The following CLIP2 variants were observed in gnomAD, a reference collection of about 807,000 sequenced individuals.
CLIP2 encodes CAP-Gly domain-containing linker protein 2.
A neutral mutation model predicts 111.7 loss-of-function variants in CLIP2; 41 were observed. The ratio of observed to expected loss-of-function variants is 0.37; its 90% CI spans 0.29 to 0.48. CLIP2 has a LOEUF of 0.48. CLIP2 is among the 20% of genes least tolerant of loss of function. The pLI is 0.99. For missense variants in CLIP2, 1,160 were observed against 1,422.1 expected (o/e 0.82, Z 2.96); for synonymous variants, 660 against 644.2 (o/e 1.02, Z -0.37).
In CLIP2 at chr7:74,376,328, CAGA is replaced by C. The variant is rs782725984; in HGVS notation, c.1930_1932del (p.Lys644del). 11 of 1,613,784 alleles carry C rather than the reference CAGA, an allele frequency of 6.8e-6. No homozygotes were observed. Among genetic ancestry groups the C allele is most frequent in the African/African-American group, 1.3e-5 (1 of 74,904 alleles). ...CCTGAACTCGGGCCCAGGCGCCCAG[CAGA>C]AGGAGATCGGCGAGCTGAAGGCAGT... On this transcript the variant is annotated inframe_deletion, in exon 10 of 17. Transcript: ENST00000223398. The surrounding 1 kb of genome is among the most constrained non-coding windows in gnomAD (Gnocchi z 7.1).
chr7:74,392,202 T>C (rs1265601101), intron 13 of CLIP2, among the ~76,000 whole-genome samples: 1 of 151,576 alleles, frequency 6.6e-6, no homozygotes, highest in East Asian at 2.0e-4. Context: ...ATACAAAAAA[T>C]TAGCCAGGCT....
At chr7:74,331,764 G>A (rs1183608148) in intron 2 of CLIP2, among the ~76,000 whole-genome samples, 3 of 151,176 alleles carry the variant, frequency 2.0e-5, no homozygotes, top group African/African-American at 7.3e-5. Context: ...AAGTAGAGAC[G>A]GGGTTTCACC....
At chr7:74,314,877 CT>C (rs1277574638) in intron 1 of CLIP2, among the ~76,000 whole-genome samples, 1 of 152,242 alleles carries the variant, frequency 6.6e-6, no homozygotes, top group Non-Finnish European at 1.5e-5. Flanking sequence ...TTGCTGCCCC[CT>C]GACCCCCTAA....
intron 13 of CLIP2, among the ~76,000 whole-genome samples, chr7:74,393,905 T>C (rs957999795): frequency 5.3e-5 from 8 of 152,172 alleles, no homozygotes; most frequent in African/African-American, 1.9e-4. Flanking sequence ...GCCAGGACCC[T>C]GGCCAGGGTT....
In CLIP2 at chr7:74,376,227, T is replaced by C; in HGVS notation, c.1826T>C (p.Leu609Pro). ...CAGGCCACCAGCGAGAACATGGGGCTAATGGACAACTGGAAATCCAAGCTG... is the reference window on the plus strand; with the variant it reads ...CAGGCCACCAGCGAGAACATGGGGCCAATGGACAACTGGAAATCCAAGCTG... ...VQQATSENMG[L>P]MDNWKSKLDS... Residue 609 changes from leucine to proline, a missense_variant, in exon 10 of 17, where the codon CTA becomes CCA. Leu to Pro is a moderately conservative substitution (Grantham distance 98, BLOSUM62 -3). Coordinates refer to ENST00000223398, the MANE Select transcript of CLIP2 (RefSeq NM_003388.5). The surrounding 1 kb of genome is among the most constrained non-coding windows in gnomAD (Gnocchi z 7.1). 1 of 1,612,690 alleles carries C rather than the reference T, an allele frequency of 6.2e-7. No individual in the cohort carries two copies. The highest frequency in any genetic ancestry group is 8.5e-7 in the Non-Finnish European group (1 of 1,179,454).
chr7:74,334,223 A>G (rs10225771), intron 2 of CLIP2, among the ~76,000 whole-genome samples: 10,495 of 152,240 alleles, frequency 0.069, 770 homozygotes, highest in East Asian at 0.34. Flanking sequence ...CTCAGCGTGC[A>G]TGGAATTTGA....
intron 16 of CLIP2, 37 bp from the exon 17 acceptor site, chr7:74,403,800 T>C: frequency 6.2e-7 from 1 of 1,609,148 alleles, no homozygotes; most frequent in South Asian, 1.1e-5. Flanking sequence ...CCAGGCTCTC[T>C]GAGACCCTTG....
intron 2 of CLIP2, among the ~76,000 whole-genome samples, chr7:74,336,871 T>TG (rs1789483373): frequency 4.7e-5 from 1 of 21,166 alleles, no homozygotes; most frequent in African/African-American, 8.2e-5. Flanking sequence ...TTTTTTTTTT[T>TG]TTTGTTTTTT....
intron 5 of CLIP2, among the ~76,000 whole-genome samples, chr7:74,356,852 A>G (rs1020889939): frequency 1.3e-5 from 2 of 152,202 alleles, no homozygotes; most frequent in African/African-American, 4.8e-5. Context: ...TCTGGAAGTT[A>G]AGGAGGGTTA....
chr7:74,311,181 G>A (rs900306291), intron 1 of CLIP2, among the ~76,000 whole-genome samples: 1 of 152,000 alleles, frequency 6.6e-6, no homozygotes, highest in African/African-American at 2.4e-5. Context: ...GGGTTTCACT[G>A]TGTTAGCCAG....
At chr7:74,297,516 G>T (rs2116447789) in intron 1 of CLIP2, among the ~76,000 whole-genome samples, 1 of 152,088 alleles carries the variant, frequency 6.6e-6, no homozygotes, top group African/African-American at 2.4e-5. Flanking sequence ...AACAAAAGCA[G>T]GGCCCCCCCT....
Position 74,404,070 on chromosome 7 carries a change from G to A in CLIP2, c.*222G>A, listed in dbSNP as rs1029833945. ...TTCTACAGAGAGTGTGAACGGTACAGCCCCGGCCTGACCCGGGGACCTTCA... is the reference window on the plus strand; with the variant it reads ...TTCTACAGAGAGTGTGAACGGTACAACCCCGGCCTGACCCGGGGACCTTCA... On this transcript the variant is annotated 3_prime_UTR_variant, in exon 17 of 17. Coordinates refer to ENST00000223398, the MANE Select transcript of CLIP2 (RefSeq NM_003388.5). 1.4e-5 allele frequency: 8 copies of A among 571,706 alleles called. No individual in the cohort carries two copies. Among genetic ancestry groups the A allele is most frequent in the Non-Finnish European group, 2.5e-5 (8 of 316,174 alleles). The allele number at this position is 571,706 out of a possible 1,614,324, so 35.4% of individuals were successfully genotyped here.
intron 1 of CLIP2, among the ~76,000 whole-genome samples, chr7:74,292,522 G>A (rs553884228): frequency 7.8e-4 from 119 of 152,112 alleles, no homozygotes; most frequent in African/African-American, 2.8e-3. Context: ...GAATAGCTGG[G>A]ACTACAGGCC....
Position 74,376,342 on chromosome 7 carries a change from C to T in CLIP2, c.1941C>T (p.Gly647=), listed in dbSNP as rs200002951. The T allele has an allele frequency of 8.7e-6, 14 of 1,613,870 alleles. No homozygotes were observed. Among genetic ancestry groups the T allele is most frequent in the Admixed American group, 3.3e-5 (2 of 59,978 alleles). ...SGPGAQQKEI[G]ELKAVMEGIK... is the part of the protein sequence containing the mutation. ...CAGGCGCCCAGCAGAAGGAGATCGG[C>T]GAGCTGAAGGCAGTGATGGAGGGCA... Residue 647 remains glycine, a synonymous_variant, in exon 10 of 17, where the codon GGC becomes GGT. Transcript: ENST00000223398. This position sits in a 1 kb window ranked among gnomAD's most constrained non-coding sequence, Gnocchi z 7.1.
chr7:74,308,496 GTTTA>G (rs1331789835), intron 1 of CLIP2, among the ~76,000 whole-genome samples: 3 of 151,976 alleles, frequency 2.0e-5, no homozygotes, highest in South Asian at 2.1e-4. Flanking sequence ...AATCTAGTTT[GTTTA>G]TTTATTTATA....
chr7:74,319,345 C>G (rs1168880037), intron 2 of CLIP2, among the ~76,000 whole-genome samples: 1 of 151,950 alleles, frequency 6.6e-6, no homozygotes, highest in Non-Finnish European at 1.5e-5. Flanking sequence ...AACCCCGTCT[C>G]TACTAAAAAT....
At chr7:74,322,151 C>A (rs1168944572) in intron 2 of CLIP2, among the ~76,000 whole-genome samples, 1 of 151,232 alleles carries the variant, frequency 6.6e-6, no homozygotes, top group African/African-American at 2.4e-5. Context: ...GCAACAACAC[C>A]GGCCAATTTT....
At chr7:74,363,143 T>A (rs1272987174) in intron 7 of CLIP2, among the ~76,000 whole-genome samples, 3 of 152,150 alleles carry the variant, frequency 2.0e-5, no homozygotes, top group Non-Finnish European at 4.4e-5. Context: ...TAGCTGAGAT[T>A]ACAGGGATGC....
At chr7:74,353,647 G>C (rs1367828833) in intron 3 of CLIP2, among the ~76,000 whole-genome samples, 2 of 152,206 alleles carry the variant, frequency 1.3e-5, no homozygotes, top group African/African-American at 4.8e-5. Flanking sequence ...TTTGAATGCA[G>C]GTCTGTGTGT....
Sources: gnomAD v4.1 joint callset for allele counts (sites outside exome capture counted in the v4.1 genomes callset) on GRCh38, gnomAD v4.1.1 for gene constraint, Gnocchi (gnomAD v3.1) non-coding constraint, MANE v1.5 for transcripts, NCBI Gene and HGNC (gene_info 2026-07-23, HGNC 2026-07-21) for gene names.